HIRA: variants seen among roughly 807,000 people sequenced by gnomAD.
The protein encoded by HIRA is histone cell cycle regulator, also known as protein HIRA.
A neutral mutation model predicts 126.6 loss-of-function variants in HIRA; 13 were observed. The ratio of observed to expected loss-of-function variants is 0.10; its 90% confidence interval spans 0.07 to 0.16. HIRA has a LOEUF of 0.16. Ranked by LOEUF, HIRA falls within the 10% of genes least tolerant of loss-of-function variation. HIRA has a pLI of 1.00. For missense variants in HIRA, 834 were observed against 1,314.4 expected (o/e 0.63, Z 5.65); for synonymous variants, 511 against 520.0 (o/e 0.98, Z 0.24).
rs35575540 is a variant in HIRA, at chr22:19,421,299, CAA to C, written c.37+10139_37+10140del. Among the ~76,000 whole-genome samples the C allele has an allele frequency of 6.1e-3, 792 of 130,196 alleles. 5 individuals are homozygous for C. Among genetic ancestry groups the C allele is most frequent in the East Asian group, 0.019 (84 of 4,500 alleles). 85.4% of individuals were successfully genotyped at this position (130,196 alleles called of 152,430 possible). A position where few individuals can be genotyped will look rare whatever the true frequency, so the allele number is the denominator to read the frequency against. On this transcript the variant is annotated intron_variant, in intron 1 of 24. Coordinates refer to ENST00000263208, the MANE Select transcript of HIRA (RefSeq NM_003325.4). ...GGGCAACAAAAGCGAAACTCCGTCTCAAAAAAAAAAAAAAAAATGCACAGCAA... is the reference window on the plus strand; with the variant it reads ...GGGCAACAAAAGCGAAACTCCGTCTCAAAAAAAAAAAAAAATGCACAGCAA...
chr22:19,353,613 A>T (rs2088781190), intron 22 of HIRA, 94 bp from the exon 23 acceptor site: 2 of 1,325,518 alleles, frequency 1.5e-6, no homozygotes, highest in Non-Finnish European at 2.0e-6. Context: ...AGCTGGCAGG[A>T]GGCAGGCACC....
intron 1 of HIRA, among the ~76,000 whole-genome samples, chr22:19,414,013 T>C (rs1329446842): frequency 3.3e-5 from 5 of 152,108 alleles, no homozygotes; most frequent in Non-Finnish European, 5.9e-5. Context: ...CACAGCATGA[T>C]GATGACAAAG....
chr22:19,336,253 C>T (rs781810143), intron 24 of HIRA, among the ~76,000 whole-genome samples: 3 of 152,174 alleles, frequency 2.0e-5, no homozygotes, highest in Non-Finnish European at 4.4e-5. Flanking sequence ...CCTAGGTGAT[C>T]TCATCTGGCC....
At chr22:19,345,349 G>T (rs1556008581) in intron 24 of HIRA, among the ~76,000 whole-genome samples, 1 of 152,218 alleles carries the variant, frequency 6.6e-6, no homozygotes, top group Non-Finnish European at 1.5e-5. Flanking sequence ...GTAAAGAGCA[G>T]CCAAGTATTA....
chr22:19,350,294 C>T (rs1186205330), intron 24 of HIRA, among the ~76,000 whole-genome samples: 1 of 152,222 alleles, frequency 6.6e-6, no homozygotes, highest in Admixed American at 6.5e-5. Flanking sequence ...TCACTGCTGC[C>T]TGCCCTATGC....
rs751385357 is a variant in HIRA, at chr22:19,408,524, T to G, written c.170A>C (p.Glu57Ala). ...CTGGCAAAGCATCTTGGGAATATTTTCATCCTTCTCGTCATCCTCCTGGAG... is the reference window on the plus strand; with the variant it reads ...CTGGCAAAGCATCTTGGGAATATTTGCATCCTTCTCGTCATCCTCCTGGAG... ...PVLQEDDEKD[E>A]NIPKMLCQMD... is the part of the protein sequence containing the mutation. Residue 57 changes from glutamate to alanine, a missense_variant, in exon 3 of 25, where the codon GAA becomes GCA. By Grantham distance (107) the Glu-to-Ala change is moderately radical. Coordinates refer to ENST00000263208, the MANE Select transcript of HIRA (RefSeq NM_003325.4). The G allele has an allele frequency of 1.9e-6, 3 of 1,613,658 alleles. No individual in the cohort carries two copies. In the African/African-American group the frequency reaches 4.0e-5, roughly 22 times the overall value.
At chr22:19,422,774 T>A (rs1421676681) in intron 1 of HIRA, among the ~76,000 whole-genome samples, 2 of 152,150 alleles carry the variant, frequency 1.3e-5, no homozygotes, top group Non-Finnish European at 2.9e-5. Flanking sequence ...CACACTCCCA[T>A]AGCTATCTGT....
chr22:19,403,881 C>T (rs886742060), intron 5 of HIRA, among the ~76,000 whole-genome samples: 3 of 152,144 alleles, frequency 2.0e-5, no homozygotes, highest in Non-Finnish European at 2.9e-5. Context: ...CTGAAGACAG[C>T]CTTTCATTTC....
chr22:19,391,980 C>A, intron 9 of HIRA, 121 bp downstream of exon 9: 1 of 503,300 alleles, frequency 2.0e-6, no homozygotes, highest in South Asian at 4.1e-5. Context: ...AGGGGCTGAC[C>A]CCAGGTGCAG....
intron 9 of HIRA, among the ~76,000 whole-genome samples, chr22:19,391,732 G>A (rs181106339): frequency 1.3e-5 from 2 of 152,084 alleles, no homozygotes; most frequent in East Asian, 1.9e-4. Flanking sequence ...CGCCCACCTC[G>A]GCCTCCTAAA....
chr22:19,362,054 T>C lies in HIRA; in HGVS notation c.1776-123A>G, dbSNP rs1026813115. 9.2e-6 allele frequency: 8 copies of C among 873,452 alleles called. No individual in the cohort carries two copies. In the African/African-American group the frequency reaches 1.2e-4, roughly 13 times the overall value. 54.1% of individuals were successfully genotyped at this position (873,452 alleles called of 1,614,324 possible). ...ACCTAGAATTCTGTGTCCAGTGAAA[T>C]TATGCCTCAAAAGTAAAGGAGAAAT... On this transcript the variant is annotated intron_variant, in intron 15 of 24. Coordinates refer to ENST00000263208, the MANE Select transcript of HIRA (RefSeq NM_003325.4).
chr22:19,361,832 T>C lies in HIRA; in HGVS notation c.1875A>G (p.Ser625=). The change falls in exon 16 of 25, where the codon TCA becomes TCG. Residue 625 remains serine (S), a synonymous_variant. Transcript: ENST00000263208. ...DEKVPLAKAS[S]LSKRKLELEV... ...CAAGCTCAAGTTTTCGCTTGGACAG[T>C]GAGGAAGCCTTAGCCAAAGGGACTT... 3 of 1,614,176 alleles carry C rather than the reference T, an allele frequency of 1.9e-6. No homozygotes were observed. Among genetic ancestry groups the C allele is most frequent in the South Asian group, 1.1e-5 (1 of 91,080 alleles).
chr22:19,388,572 G>A lies in HIRA; in HGVS notation c.937-18C>T, dbSNP rs763278106. Reference sequence around the variant, plus strand: ...CATGTGAGCTGGAAGGAAAGACACAGTCAAGGTTAATGAAATTACTGAAAT... The same window carrying A: ...CATGTGAGCTGGAAGGAAAGACACAATCAAGGTTAATGAAATTACTGAAAT... On this transcript the variant is annotated intron_variant, in intron 9 of 24. Transcript: ENST00000263208. 5 of 1,603,188 alleles carry A rather than the reference G, an allele frequency of 3.1e-6. No homozygotes were observed. Among genetic ancestry groups the A allele is most frequent in the African/African-American group, 1.3e-5 (1 of 74,810 alleles).
At position 19,354,247 on chromosome 22, in the gene HIRA, G is replaced by T. The variant is rs117367212; in HGVS notation, c.2562-129C>A. ...CCTGCCGACACAGAAAGCCAGTAGA[G>T]GCTGAGCGCCCCTGCACTTCCGCAC... On this transcript the variant is annotated intron_variant, in intron 21 of 24. Transcript: ENST00000263208. 64 of 902,162 alleles carry T rather than the reference G, an allele frequency of 7.1e-5. No homozygotes were observed. In the East Asian group the frequency reaches 1.7e-3, roughly 24 times the overall value. 55.9% of individuals were successfully genotyped at this position (902,162 alleles called of 1,614,324 possible).
chr22:19,430,277 C>T (rs1327106474), intron 1 of HIRA: 3 of 152,114 alleles, frequency 2.0e-5, no homozygotes, highest in Admixed American at 2.0e-4. Context: ...TCAGGATGAA[C>T]AGTTTCAAAA....
chr22:19,399,449 C>T (rs191051056), intron 5 of HIRA, among the ~76,000 whole-genome samples: 2 of 151,128 alleles, frequency 1.3e-5, no homozygotes, highest in African/African-American at 4.9e-5. Context: ...CTTTTTTGCC[C>T]TGCATTCTAT....
chr22:19,421,095 C>T (rs2089442539), intron 1 of HIRA, among the ~76,000 whole-genome samples: 1 of 152,046 alleles, frequency 6.6e-6, no homozygotes, highest in Non-Finnish European at 1.5e-5. Context: ...GTCAGGAGTT[C>T]AAAACCAGCC....
At chr22:19,394,750 T>C (rs1239532744) in intron 7 of HIRA, among the ~76,000 whole-genome samples, 2 of 152,124 alleles carry the variant, frequency 1.3e-5, no homozygotes, top group African/African-American at 4.8e-5. Context: ...CAAAGAAATA[T>C]AGTACAGAAG....
intron 7 of HIRA, 146 bp downstream of exon 7, chr22:19,396,641 G>T: frequency 1.4e-6 from 1 of 698,476 alleles, no homozygotes; most frequent in Non-Finnish European, 2.4e-6. Context: ...CCACCCCAGA[G>T]AGCCTTGGTG....
Sources: allele counts gnomAD v4.1 joint callset (sites outside exome capture counted in the v4.1 genomes callset), GRCh38; gene constraint gnomAD v4.1.1; transcripts MANE v1.5; gene names NCBI Gene and HGNC (gene_info 2026-07-23, HGNC 2026-07-21).